C11orf58: variants seen among roughly 807,000 people sequenced by gnomAD.
C11orf58 encodes the protein chromosome 11 open reading frame 58.
Under a neutral mutation model 22.7 loss-of-function variants are expected in C11orf58, and 5 were observed. The observed-to-expected ratio is 0.22, with a 90% CI of 0.12 to 0.46. C11orf58 has a LOEUF of 0.46. Ranked by LOEUF, C11orf58 falls within the 20% of genes least tolerant of loss-of-function variation. The pLI, the probability that C11orf58 is intolerant of heterozygous loss-of-function variation, is 0.99. For missense variants in C11orf58, 151 were observed against 223.3 expected (o/e 0.68, Z 2.06); for synonymous variants, 71 against 70.7 (o/e 1.00, Z -0.02).
rs373920165 is a variant in C11orf58 at position 16,758,286 on chromosome 11, G to A, written c.*3182G>A. Among the ~76,000 whole-genome samples the A allele has an allele frequency of 7.9e-5, 12 of 152,216 alleles. No homozygotes were observed. The highest frequency in any genetic ancestry group is 6.2e-4 in the South Asian group (3 of 4,818). On this transcript the variant is annotated 3_prime_UTR_variant, in exon 5 of 5. Coordinates refer to ENST00000228136, the MANE Select transcript of C11orf58 (RefSeq NM_014267.6). ...CCTCCTACCCTCACCAGTTATTTCTGGAGAAAGATCACCAAATGTATAAAT... is the reference window on the plus strand; with the variant it reads ...CCTCCTACCCTCACCAGTTATTTCTAGAGAAAGATCACCAAATGTATAAAT...
At chr11:16,751,556 G>A (rs1266766760) in intron 3 of C11orf58, 1 of 152,104 alleles carries the variant, frequency 6.6e-6, no homozygotes, top group Non-Finnish European at 1.5e-5. Flanking sequence ...TCACCTCAGG[G>A]GAGAACAAAA....
intron 4 of C11orf58, among the ~76,000 whole-genome samples, chr11:16,753,229 C>T (rs1848547709): frequency 6.6e-6 from 1 of 152,088 alleles, no homozygotes; most frequent in Non-Finnish European, 1.5e-5. Flanking sequence ...AGGCGCCTGC[C>T]ATCACGCCCA....
chr11:16,741,472 A>G (rs567891744), intron 1 of C11orf58, among the ~76,000 whole-genome samples: 19 of 152,204 alleles, frequency 1.2e-4, no homozygotes, highest in Non-Finnish European at 2.2e-4. Flanking sequence ...AGTAACTGCT[A>G]AGGAACTCTC....
Position 16,753,059 on chromosome 11 carries a change from C to G in C11orf58, c.318+165C>G, listed in dbSNP as rs567127197. On this transcript the variant is annotated intron_variant, in intron 4 of 4. Transcript: ENST00000228136. Reference sequence around the variant, plus strand: ...ATGCCCTACTGGTCTTGTAGATAATCAGGAGAGATGTTTCTAAGGATTTTG... The same window carrying G: ...ATGCCCTACTGGTCTTGTAGATAATGAGGAGAGATGTTTCTAAGGATTTTG... 2.0e-5 allele frequency among the ~76,000 whole-genome samples: 3 copies of G among 152,234 alleles called. No individual in the cohort carries two copies. In the South Asian group the frequency reaches 6.2e-4, roughly 32 times the overall value.
intron 1 of C11orf58, among the ~76,000 whole-genome samples, chr11:16,740,433 C>G (rs1033471094): frequency 5.9e-5 from 9 of 152,134 alleles, no homozygotes; most frequent in African/African-American, 2.2e-4. Flanking sequence ...GACAGGGTCT[C>G]TGTCGCCCAG....
At chr11:16,740,452 G>T (rs140423167) in intron 1 of C11orf58, among the ~76,000 whole-genome samples, 1 of 151,952 alleles carries the variant, frequency 6.6e-6, no homozygotes, top group East Asian at 1.9e-4. Context: ...AGGCTGGAGT[G>T]CAGTGGCACG....
At chr11:16,741,089 C>CT (rs1398143844) in intron 1 of C11orf58, among the ~76,000 whole-genome samples, 1 of 115,436 alleles carries the variant, frequency 8.7e-6, no homozygotes, top group Non-Finnish European at 1.7e-5. Flanking sequence ...GAGCGAGACT[C>CT]TGTTTAAAAA....
intron 3 of C11orf58, 197 bp downstream of exon 3, chr11:16,748,354 G>A (rs1360946441): frequency 2.0e-5 from 9 of 453,100 alleles, no homozygotes; most frequent in Non-Finnish European, 3.6e-5. Context: ...CTTAAGCCCA[G>A]GAGTTTGAGG....
chr11:16,743,778 AAAT>A (rs1394445443), intron 1 of C11orf58, among the ~76,000 whole-genome samples: 1 of 152,132 alleles, frequency 6.6e-6, no homozygotes, highest in Non-Finnish European at 1.5e-5. Flanking sequence ...AATGAATTAT[AAAT>A]AATGAATTAT....
rs1340239069 is a variant in C11orf58 at position 16,748,101 on chromosome 11, A to G, written c.152A>G (p.Glu51Gly). The G allele has an allele frequency of 6.2e-7, 1 of 1,611,934 alleles. No homozygotes were observed. The highest frequency in any genetic ancestry group is 1.7e-5 in the Admixed American group (1 of 59,994). The change falls in exon 3 of 5, where the codon GAA becomes GGA. Residue 51 changes from glutamate to glycine, a missense_variant. Physicochemically the swap from Glu to Gly is moderately conservative, Grantham distance 98. This residue lies in a region of C11orf58 where 112 missense variants were observed against 162.6 expected (regional missense o/e 0.69). Transcript: ENST00000228136. ...ACATTTTCAACCTTCTTATAGAAAG[A>G]ACATACTGGTCGTCTTGTTATAGGA... ...FLRLMGAGKK[E>G]HTGRLVIGDH...
At chr11:16,743,419 C>G (rs1212555995) in intron 1 of C11orf58, among the ~76,000 whole-genome samples, 1 of 151,624 alleles carries the variant, frequency 6.6e-6, no homozygotes. Flanking sequence ...TTTTCTTTTT[C>G]TTGTCAATTC....
chr11:16,741,899 T>A, intron 1 of C11orf58, among the ~76,000 whole-genome samples: 1 of 152,222 alleles, frequency 6.6e-6, no homozygotes, highest in East Asian at 1.9e-4. Flanking sequence ...TATTTCATTA[T>A]AGATTACAGT....
At chr11:16,746,473 A>G (rs1848488240) in intron 2 of C11orf58, among the ~76,000 whole-genome samples, 1 of 152,212 alleles carries the variant, frequency 6.6e-6, no homozygotes, top group African/African-American at 2.4e-5. Context: ...GGTTGTTTCA[A>G]CTAAAATCAG....
chr11:16,739,795 G>C (rs1034294821), intron 1 of C11orf58, among the ~76,000 whole-genome samples: 13 of 151,954 alleles, frequency 8.6e-5, no homozygotes, highest in African/African-American at 3.1e-4. Flanking sequence ...TTTTTTTTCG[G>C]TTTTGTTTAA....
At chr11:16,740,963 G>T (rs1848442849) in intron 1 of C11orf58, among the ~76,000 whole-genome samples, 1 of 151,890 alleles carries the variant, frequency 6.6e-6, no homozygotes. Context: ...GGGCGTGGTA[G>T]CGGGCGCCTG....
intron 3 of C11orf58, chr11:16,749,488 A>C (rs1247806918): frequency 6.6e-6 from 1 of 152,204 alleles, no homozygotes; most frequent in East Asian, 1.9e-4. Flanking sequence ...AATCCCCGGT[A>C]CCCATCCCTG....
chr11:16,753,527 T>A (rs1380122625), intron 4 of C11orf58, among the ~76,000 whole-genome samples: 2 of 151,908 alleles, frequency 1.3e-5, no homozygotes, highest in Non-Finnish European at 2.9e-5. Flanking sequence ...CACACCAGGC[T>A]AATTTTTTGT....
At position 16,756,301 on chromosome 11, in the gene C11orf58, A is replaced by C. The variant is rs1453684650; in HGVS notation, c.*1197A>C. ...TTTTTTTTTTTTGAGACGGAGTCTC[A>C]TTCTGTCGCCCAGGCTGGAGTGCAG... On this transcript the variant is annotated 3_prime_UTR_variant, in exon 5 of 5. Coordinates refer to ENST00000228136, the MANE Select transcript of C11orf58 (RefSeq NM_014267.6). The C allele has an allele frequency of 8.4e-6, 1 of 118,786 alleles. No individual in the cohort carries two copies. The highest frequency in any genetic ancestry group is 1.6e-5 in the Non-Finnish European group (1 of 62,036). The allele number at this position is 118,786 out of a possible 1,614,324, so 7.4% of individuals were successfully genotyped here.
Position 16,754,891 on chromosome 11 carries a change from A to C in C11orf58, c.339A>C (p.Glu113Asp), listed in dbSNP as rs1391333392. The C allele has an allele frequency of 1.9e-5, 30 of 1,613,902 alleles. No homozygotes were observed. Among genetic ancestry groups the C allele is most frequent in the Non-Finnish European group, 2.3e-5 (27 of 1,179,978 alleles). The change falls in exon 5 of 5, where the codon GAA becomes GAC. Residue 113 changes from glutamate to aspartate, a missense_variant. Glu to Asp is a conservative substitution (Grantham distance 45, BLOSUM62 2). Coordinates refer to ENST00000228136, the MANE Select transcript of C11orf58 (RefSeq NM_014267.6). ...GFSEVEDHDG[E>D]GDVAGDDDDD... ...TTTAGGTAGAAGACCATGATGGAGA[A>C]GGTGATGTGGCTGGAGATGATGATG...
Sources: allele counts gnomAD v4.1 joint callset (sites outside exome capture counted in the v4.1 genomes callset), GRCh38; gene constraint gnomAD v4.1.1; regional missense constraint gnomAD v4.1.1; transcripts MANE v1.5; gene names NCBI Gene and HGNC (gene_info 2026-07-23, HGNC 2026-07-21).